Variants in EVL observed in about 807,000 individuals in gnomAD.
The protein encoded by EVL is ena/VASP-like protein.
A neutral mutation model predicts 59.6 loss-of-function variants in EVL; 21 were observed. The ratio of observed to expected loss-of-function variants is 0.35; its 90% confidence interval spans 0.25 to 0.51. The LOEUF is 0.51. Among genes scored for constraint, EVL ranks in the 20% least tolerant of loss-of-function variants. EVL has a pLI of 0.97. For missense variants in EVL, 462 were observed against 546.6 expected (o/e 0.85, Z 1.54); for synonymous variants, 198 against 203.5 (o/e 0.97, Z 0.23).
chr14:99,971,701 A>G (rs1162578565), exon 1 of EVL: 2 of 147,018 alleles, frequency 1.4e-5, no homozygotes, highest in Non-Finnish European at 3.0e-5. Context: ...GCGGACGCGC[A>G]CGCGTTCCCG....
In EVL at chr14:100,045,278, C is replaced by T. The variant is rs114485942; in HGVS notation, c.6-39409C>T. ...TCTGTTCCTGGCACCTCTTCCTGGT[C>T]ATCTTTTTAAGTTTCCAGAGTAATC... On this transcript the variant is annotated intron_variant, in intron 1 of 13. Transcript: ENST00000402714. Among the ~76,000 whole-genome samples, 1,482 of 152,332 alleles carry T rather than the reference C, an allele frequency of 9.7e-3. 20 individuals carry two copies. The highest frequency in any genetic ancestry group is 0.034 in the African/African-American group (1,394 of 41,578).
chr14:100,003,908 TA>T (rs1203913104), intron 1 of EVL, among the ~76,000 whole-genome samples: 1 of 152,074 alleles, frequency 6.6e-6, no homozygotes, highest in East Asian at 1.9e-4. Context: ...TTTAGACCTT[TA>T]AAAAAATGTT....
chr14:100,001,495 A>G (rs991424595), intron 1 of EVL, among the ~76,000 whole-genome samples: 7 of 152,218 alleles, frequency 4.6e-5, no homozygotes, highest in Non-Finnish European at 7.3e-5. Flanking sequence ...TTGCTTTATT[A>G]TACTTGGACA....
intron 7 of EVL, among the ~76,000 whole-genome samples, chr14:100,131,293 G>C (rs1191972156): frequency 6.6e-6 from 1 of 152,246 alleles, no homozygotes; most frequent in Non-Finnish European, 1.5e-5. Flanking sequence ...GTATTGCCAG[G>C]AGCCAGTGAG....
chr14:100,039,382 A>G (rs7144675), intron 1 of EVL, among the ~76,000 whole-genome samples: 3,013 of 152,208 alleles, frequency 0.02, 109 homozygotes, highest in African/African-American at 0.069. Flanking sequence ...GATTACAAGC[A>G]TGCACCACCA....
intron 1 of EVL, among the ~76,000 whole-genome samples, chr14:100,066,266 G>A (rs2061928365): frequency 6.6e-6 from 1 of 152,200 alleles, no homozygotes; most frequent in Non-Finnish European, 1.5e-5. Context: ...AATTTCCAAA[G>A]TGCCATTTCG....
chr14:100,099,928 G>A (rs1259280348), intron 3 of EVL, among the ~76,000 whole-genome samples: 1 of 127,228 alleles, frequency 7.9e-6, no homozygotes, highest in Non-Finnish European at 1.5e-5. Context: ...AATTTAAGTG[G>A]TTGGTCTGAA....
chr14:100,130,851 G>A lies in EVL; in HGVS notation c.839+1167G>A, dbSNP rs1158637373. 6.6e-6 allele frequency among the ~76,000 whole-genome samples: 1 copy of A among 152,220 alleles called. No individual in the cohort carries two copies. The highest frequency in any genetic ancestry group is 1.9e-4 in the East Asian group (1 of 5,200). Reference sequence around the variant, plus strand: ...GTCTCCGGAGCCTCTACTGGGCCTGGGCGTTTGTACATCGCCAAGACAGGA... The same window carrying A: ...GTCTCCGGAGCCTCTACTGGGCCTGAGCGTTTGTACATCGCCAAGACAGGA... On this transcript the variant is annotated intron_variant, in intron 7 of 13. Coordinates refer to ENST00000392920, the MANE Select transcript of EVL (RefSeq NM_016337.3). The surrounding 1 kb of genome is among the most constrained non-coding windows in gnomAD (Gnocchi z 4.8).
intron 1 of EVL, among the ~76,000 whole-genome samples, chr14:100,068,272 G>A (rs140930849): frequency 3.8e-4 from 58 of 152,244 alleles, no homozygotes; most frequent in Middle Eastern, 6.8e-3. Context: ...TGGTTTGGTG[G>A]GTTCAAGGGT....
chr14:100,138,034 G>C, intron 11 of EVL: 1 of 589,058 alleles, frequency 1.7e-6, no homozygotes. Flanking sequence ...CCTGTCCACA[G>C]AGGTAGTGCA....
At chr14:100,043,177 T>C (rs1326713735) in intron 1 of EVL, among the ~76,000 whole-genome samples, 1 of 152,110 alleles carries the variant, frequency 6.6e-6, no homozygotes, top group Non-Finnish European at 1.5e-5. Context: ...GGAACCCCTC[T>C]GTATTAATCA....
At chr14:100,071,738 G>C (rs975984426) in intron 1 of EVL, among the ~76,000 whole-genome samples, 1 of 152,142 alleles carries the variant, frequency 6.6e-6, no homozygotes, top group Non-Finnish European at 1.5e-5. Context: ...GCAAGGTGGC[G>C]GTTCCCCCTG....
At chr14:99,971,797 G>A (rs2060734410) in exon 1 of EVL, 1 of 131,068 alleles carries the variant, frequency 7.6e-6, no homozygotes, top group Non-Finnish European at 1.6e-5. Context: ...ACGCCGGCCC[G>A]GGCACGCGCC....
intron 1 of EVL, among the ~76,000 whole-genome samples, chr14:99,990,781 A>C (rs747832653): frequency 4.6e-5 from 7 of 151,590 alleles, no homozygotes; most frequent in Non-Finnish European, 8.8e-5. Flanking sequence ...GGTTGCTTCC[A>C]CTCCTGGCTA....
At chr14:100,099,727 CTT>C (rs760607520) in intron 3 of EVL, among the ~76,000 whole-genome samples, 2,668 of 138,134 alleles carry the variant, frequency 0.019, 32 homozygotes, top group Non-Finnish European at 0.028. Context: ...GGGAGTTAAG[CTT>C]TTTTTTTTTT....
At chr14:100,107,727 TG>T in intron 3 of EVL, 1 of 134,724 alleles carries the variant, frequency 7.4e-6, no homozygotes, top group Non-Finnish European at 1.6e-5. Context: ...CTGGATTGGG[TG>T]GGGGTGGGAC....
intron 1 of EVL, among the ~76,000 whole-genome samples, chr14:100,047,124 T>A (rs1378415134): frequency 1.1e-5 from 1 of 89,780 alleles, no homozygotes; most frequent in Middle Eastern, 4.4e-3. Context: ...CTCTCTTTTT[T>A]TTTTTTTTTT....
intron 1 of EVL, among the ~76,000 whole-genome samples, chr14:100,081,666 C>T (rs2140297458): frequency 6.6e-6 from 1 of 152,274 alleles, no homozygotes; most frequent in Non-Finnish European, 1.5e-5. Context: ...GTATGCTTCA[C>T]CCCCACCTAG....
chr14:100,116,679 T>C (rs1887370282), intron 3 of EVL, among the ~76,000 whole-genome samples: 1 of 152,242 alleles, frequency 6.6e-6, no homozygotes. Flanking sequence ...GGAGGATGGA[T>C]CGCAGAGCAG....
Sources: allele counts gnomAD v4.1 joint callset (sites outside exome capture counted in the v4.1 genomes callset), GRCh38; gene constraint gnomAD v4.1.1; non-coding constraint Gnocchi (gnomAD v3.1); transcripts MANE v1.5; gene names NCBI Gene and HGNC (gene_info 2026-07-23, HGNC 2026-07-21).